Variants in DYNLRB1 observed in about 807,000 individuals in gnomAD.
The protein encoded by DYNLRB1 is dynein light chain roadblock-type 1.
In DYNLRB1, 6 loss-of-function variants were observed where a neutral mutation model predicts 13.5. The observed-to-expected ratio is 0.44, with a 90% CI of 0.24 to 0.88. DYNLRB1 has a LOEUF of 0.88. Ranked by LOEUF, DYNLRB1 falls within the 40% of genes least tolerant of loss-of-function variation. The pLI, the probability that DYNLRB1 is intolerant of heterozygous loss-of-function variation, is 0.21. For synonymous variants in DYNLRB1, 43 were observed against 45.0 expected, an observed-to-expected ratio of 0.96 and a Z score of 0.18; for missense variants, 93 against 127.2, an observed-to-expected ratio of 0.73 and a Z score of 1.29.
chr20:34,519,255 G>A (rs1979516531), intron 1 of DYNLRB1, among the ~76,000 whole-genome samples: 1 of 152,112 alleles, frequency 6.6e-6, no homozygotes, highest in Non-Finnish European at 1.5e-5. Context: ...ATATAATATA[G>A]AAAGTTTATG....
intron 2 of DYNLRB1, chr20:34,529,848 A>G: frequency 6.6e-7 from 1 of 1,515,748 alleles, no homozygotes; most frequent in Non-Finnish European, 8.8e-7. Flanking sequence ...CATTTCATTT[A>G]CAGGAGGCTG....
chr20:34,521,094 ACT>A (rs1979671819), intron 1 of DYNLRB1, among the ~76,000 whole-genome samples: 1 of 150,580 alleles, frequency 6.6e-6, no homozygotes, highest in Non-Finnish European at 1.5e-5. Flanking sequence ...CTCACTACAA[ACT>A]CTGCCTCCCA....
chr20:34,537,950 C>T (rs1201582038), intron 3 of DYNLRB1, among the ~76,000 whole-genome samples: 1 of 151,644 alleles, frequency 6.6e-6, no homozygotes, highest in African/African-American at 2.4e-5. Context: ...GCCACATTCA[C>T]CCCACCCTGG....
intron 2 of DYNLRB1, among the ~76,000 whole-genome samples, chr20:34,532,540 G>A (rs1005012675): frequency 1.3e-5 from 2 of 152,152 alleles, no homozygotes; most frequent in Non-Finnish European, 2.9e-5. Context: ...AGAAAGAGTC[G>A]TGGTGGCTCC....
In DYNLRB1 at chr20:34,532,386, A is replaced by G. The variant is rs753609830; in HGVS notation, c.80-2242A>G. On this transcript the variant is annotated intron_variant, in intron 2 of 3. Coordinates refer to ENST00000357156, the MANE Select transcript of DYNLRB1 (RefSeq NM_014183.4). ...CAGAGCTGGGTGTAAGCCTAGGTCA[A>G]TTTGGAGCCCAGGACCCTATTAATC... Among the ~76,000 whole-genome samples, 14 of 152,270 alleles carry G rather than the reference A, an allele frequency of 9.2e-5. No individual in the cohort carries two copies. In the East Asian group the frequency reaches 1.2e-3, roughly 13 times the overall value.
intron 2 of DYNLRB1, among the ~76,000 whole-genome samples, chr20:34,533,777 C>T (rs1430018280): frequency 6.6e-6 from 1 of 151,696 alleles, no homozygotes; most frequent in Admixed American, 6.6e-5. Flanking sequence ...CGAGGTTGCA[C>T]CATTGCACTC....
At chr20:34,515,654 C>T (rs1218548451), upstream of DYNLRB1, among the ~76,000 whole-genome samples, 1 of 152,062 alleles carries the variant, frequency 6.6e-6, no homozygotes, top group Non-Finnish European at 1.5e-5. Flanking sequence ...AGGTACCTGA[C>T]TCCAGCCCCA....
intron 1 of DYNLRB1, among the ~76,000 whole-genome samples, chr20:34,524,224 T>C (rs1467319836): frequency 6.6e-6 from 1 of 152,226 alleles, no homozygotes; most frequent in African/African-American, 2.4e-5. Context: ...TTTTTCATAA[T>C]CTCCTGTAAC....
At chr20:34,518,503 GTTTC>G (rs1455394085) in intron 1 of DYNLRB1, among the ~76,000 whole-genome samples, 1 of 151,110 alleles carries the variant, frequency 6.6e-6, no homozygotes, top group Admixed American at 6.6e-5. Context: ...ACCATTGTTA[GTTTC>G]TTTTTTTTTT....
At chr20:34,517,035 T>C (rs901082127) in intron 1 of DYNLRB1, among the ~76,000 whole-genome samples, 30 of 152,068 alleles carry the variant, frequency 2.0e-4, no homozygotes, top group African/African-American at 6.8e-4. Context: ...CCGCTGGGAC[T>C]GGGTGCCAGA....
chr20:34,517,102 T>A (rs548643257), intron 1 of DYNLRB1, among the ~76,000 whole-genome samples: 1 of 152,310 alleles, frequency 6.6e-6, no homozygotes, highest in South Asian at 2.1e-4. Context: ...TCTACCTTGC[T>A]TGCTGCAGCT....
chr20:34,528,336 A>AAAAAAAAAAC (rs1568600863), intron 2 of DYNLRB1, among the ~76,000 whole-genome samples: 1 of 144,898 alleles, frequency 6.9e-6, no homozygotes, highest in Non-Finnish European at 1.6e-5. Context: ...AAAAAAAAAA[A>AAAAAAAAAAC]AAAAAAAACT....
intron 1 of DYNLRB1, among the ~76,000 whole-genome samples, chr20:34,524,598 G>T (rs918323371): frequency 2.0e-5 from 3 of 152,172 alleles, no homozygotes; most frequent in African/African-American, 7.2e-5. Flanking sequence ...TAGGAGCTCA[G>T]TGAGTGTGTT....
chr20:34,533,370 G>A (rs1439456200), intron 2 of DYNLRB1, among the ~76,000 whole-genome samples: 1 of 152,200 alleles, frequency 6.6e-6, no homozygotes, highest in Non-Finnish European at 1.5e-5. Context: ...CATGTTCCAT[G>A]TTTCTGTGCC....
At chr20:34,534,942 A>C (rs1981023390) in intron 3 of DYNLRB1, 147 bp downstream of exon 3, 2 of 1,505,656 alleles carry the variant, frequency 1.3e-6, no homozygotes, top group Non-Finnish European at 8.9e-7. Context: ...CTCACTGCCT[A>C]GCCAGCCTCC....
intron 2 of DYNLRB1, 142 bp from the exon 3 acceptor site, chr20:34,534,486 A>G: frequency 9.3e-7 from 1 of 1,074,426 alleles, no homozygotes; most frequent in Non-Finnish European, 1.3e-6. Flanking sequence ...GCTCAGCACC[A>G]TGCCTGTCAC....
chr20:34,531,902 C>A (rs1346021976), intron 2 of DYNLRB1, among the ~76,000 whole-genome samples: 2 of 152,192 alleles, frequency 1.3e-5, no homozygotes, highest in African/African-American at 4.8e-5. Context: ...AAGTTCCAGG[C>A]AGAGGGATCT....
chr20:34,538,446 CAAAA>C (rs903657230), intron 3 of DYNLRB1, among the ~76,000 whole-genome samples: 9 of 151,430 alleles, frequency 5.9e-5, no homozygotes, highest in Non-Finnish European at 8.8e-5. Flanking sequence ...AAAAACAAAA[CAAAA>C]AAAACAGACT....
chr20:34,518,591 G>C (rs1330373762), intron 1 of DYNLRB1, among the ~76,000 whole-genome samples: 1 of 151,368 alleles, frequency 6.6e-6, no homozygotes, highest in East Asian at 1.9e-4. Context: ...GGGACTACTG[G>C]TGCACGCCAC....
Sources: allele counts gnomAD v4.1 joint callset (sites outside exome capture counted in the v4.1 genomes callset), GRCh38; gene constraint gnomAD v4.1.1; transcripts MANE v1.5; gene names NCBI Gene and HGNC (gene_info 2026-07-23, HGNC 2026-07-21).